TSPEAR: variants seen among roughly 807,000 people sequenced by gnomAD.
TSPEAR encodes the protein thrombospondin type laminin G domain and EAR repeats.
TSPEAR carries 69 observed loss-of-function variants against 71.6 expected under a neutral mutation model. The observed-to-expected ratio is 0.96, with a 90% confidence interval of 0.79 to 1.18. The LOEUF (loss-of-function observed/expected upper bound fraction) is 1.18, where lower values mean the gene tolerates loss of function less well. Ranked by LOEUF, TSPEAR falls within the 50% of genes most tolerant of loss-of-function variation. The pLI, the probability that TSPEAR is intolerant of heterozygous loss-of-function variation, is 0.00. For missense variants in TSPEAR, 971 were observed against 894.9 expected (o/e 1.09, Z -1.09); for synonymous variants, 402 against 387.2 (o/e 1.04, Z -0.45).
At chr21:44,534,372 G>C (rs1454351987) in intron 2 of TSPEAR, among the ~76,000 whole-genome samples, 1 of 93,388 alleles carries the variant, frequency 1.1e-5, no homozygotes, top group Non-Finnish European at 2.2e-5. Context: ...GTGTGGGGCA[G>C]GGCTGGTGTG....
intron 1 of TSPEAR, among the ~76,000 whole-genome samples, chr21:44,707,268 A>G (rs1987970837): frequency 7.0e-6 from 1 of 142,924 alleles, no homozygotes; most frequent in South Asian, 2.3e-4. Context: ...CAAGGTCTCC[A>G]CCAGGAAGAT....
At position 44,593,103 on chromosome 21, in the gene TSPEAR, G is replaced by C. The variant is rs1980109136; in HGVS notation, c.83-25098C>G. On this transcript the variant is annotated intron_variant, in intron 1 of 11. Coordinates refer to ENST00000323084, the MANE Select transcript of TSPEAR (RefSeq NM_144991.3). The surrounding 1 kb of genome is among the most constrained non-coding windows in gnomAD (Gnocchi z 5.9). ...GTCCACCTCGTCTTTGTGTTTTGGA[G>C]GCAGCAGGACCTGTGTGTTCCAGGG... is the stretch of plus-strand genomic sequence containing the variant. 6.6e-6 allele frequency among the ~76,000 whole-genome samples: 1 copy of C among 152,210 alleles called. No individual in the cohort carries two copies. Among genetic ancestry groups the C allele is most frequent in the Non-Finnish European group, 1.5e-5 (1 of 68,032 alleles).
At chr21:44,619,449 C>T (rs1982311431) in intron 1 of TSPEAR, among the ~76,000 whole-genome samples, 1 of 152,188 alleles carries the variant, frequency 6.6e-6, no homozygotes, top group South Asian at 2.1e-4. Context: ...ATGTGCCATG[C>T]AAAGCAGCAA....
intron 9 of TSPEAR, 38 bp downstream of exon 9, chr21:44,521,845 C>T: frequency 6.3e-7 from 1 of 1,586,618 alleles, no homozygotes; most frequent in South Asian, 1.1e-5. Context: ...ACGCAGTGGC[C>T]AGCAATGGAG....
At position 44,612,216 on chromosome 21, in the gene TSPEAR, C is replaced by T; in HGVS notation, c.83-44211G>A. 6.2e-7 allele frequency: 1 copy of T among 1,613,960 alleles called. No homozygotes were observed. The highest frequency in any genetic ancestry group is 8.5e-7 in the Non-Finnish European group (1 of 1,180,018). ...TCCTCCCCCAGCACCTGCACTGGCT[C>T]CTCCTGGCAGGTGGACAATTGCCAG... On this transcript the variant is annotated intron_variant, in intron 1 of 11. Coordinates refer to ENST00000323084, the MANE Select transcript of TSPEAR (RefSeq NM_144991.3). This position sits in a 1 kb window ranked among gnomAD's most constrained non-coding sequence, Gnocchi z 4.1.
intron 1 of TSPEAR, among the ~76,000 whole-genome samples, chr21:44,686,031 C>A (rs1986839788): frequency 6.6e-6 from 1 of 152,134 alleles, no homozygotes; most frequent in Non-Finnish European, 1.5e-5. Context: ...CTTGGGAAGA[C>A]CCTGATGATG....
rs1555915528 is a variant in TSPEAR at position 44,529,930 on chromosome 21, G to A, written c.658C>T (p.Leu220=). 2.6e-5 allele frequency: 42 copies of A among 1,606,620 alleles called. No individual in the cohort carries two copies. Among genetic ancestry groups the A allele is most frequent in the South Asian group, 7.7e-5 (7 of 90,762 alleles). ...FMGLVRQLVL[L]PGSDATPRLC... is the part of the protein sequence containing the mutation. ...CTTGGGGTGGCGTCTGAGCCCGGCA[G>A]CAGGACCAGTTGCCTCACCAGTCCC... The change falls in exon 5 of 12, where the codon CTG becomes TTG. Residue 220 remains leucine, a synonymous_variant. Transcript: ENST00000323084.
At chr21:44,643,964 CA>C (rs1984162715) in intron 1 of TSPEAR, among the ~76,000 whole-genome samples, 2 of 152,206 alleles carry the variant, frequency 1.3e-5, no homozygotes, top group South Asian at 4.1e-4. Flanking sequence ...TCAAATAAAA[CA>C]AAAGACTACG....
rs946540734 is a variant in TSPEAR at position 44,533,766 on chromosome 21, T to C, written c.461A>G (p.Asp154Gly). The change falls in exon 3 of 12, where the codon GAT (aspartate) becomes GGT (glycine). Residue 154 changes from aspartate to glycine, a missense_variant. Asp to Gly is a moderately conservative substitution (Grantham distance 94). Transcript: ENST00000323084. Reference sequence around the variant, plus strand: ...CAGGACCAGTGTGTGCCAGCGGCCATCCACCAGGGCCGGGCTGCGGAAGGA... The same window carrying C: ...CAGGACCAGTGTGTGCCAGCGGCCACCCACCAGGGCCGGGCTGCGGAAGGA... The part of the protein sequence containing the change: ...RVSFRSPALV[D>G]GRWHTLVLAV... 6.2e-7 allele frequency: 1 copy of C among 1,612,252 alleles called. No homozygotes were observed. The highest frequency in any genetic ancestry group is 8.5e-7 in the Non-Finnish European group (1 of 1,179,850).
At chr21:44,677,744 T>C in intron 1 of TSPEAR, 2 of 1,368,058 alleles carry the variant, frequency 1.5e-6, no homozygotes, top group South Asian at 1.2e-5. Flanking sequence ...TTACTTCTGA[T>C]ACACTAGAGA....
At chr21:44,624,295 CT>C (rs1325029123) in intron 1 of TSPEAR, among the ~76,000 whole-genome samples, 2 of 152,100 alleles carry the variant, frequency 1.3e-5, no homozygotes, top group Non-Finnish European at 2.9e-5. Context: ...TCCATTTGTC[CT>C]CTGGTTTTTT....
rs141151758 is a variant in TSPEAR at position 44,702,912 on chromosome 21, C to G, written c.82+8521G>C. The G allele has an allele frequency of 2.6e-3, 1,554 of 603,330 alleles. 5 individuals are homozygous for G. Among genetic ancestry groups the G allele is most frequent in the Middle Eastern group, 4.0e-3 (9 of 2,228 alleles). The allele number at this position is 603,330 out of a possible 1,614,324, so 37.4% of individuals were successfully genotyped here. On this transcript the variant is annotated intron_variant, in intron 1 of 11. Coordinates refer to ENST00000323084, the MANE Select transcript of TSPEAR (RefSeq NM_144991.3). ...CCGCACTGGTACACACCACAGTGTG[C>G]AAGCTGGCTGACCTCATACCCTACA...
intron 1 of TSPEAR, among the ~76,000 whole-genome samples, chr21:44,578,402 C>A (rs1451488213): frequency 6.6e-6 from 1 of 152,196 alleles, no homozygotes; most frequent in Non-Finnish European, 1.5e-5. Context: ...AATTAAAACC[C>A]TTCCCACAGA....
intron 1 of TSPEAR, chr21:44,675,856 T>TC (rs1303896806): frequency 2.4e-5 from 16 of 654,552 alleles, no homozygotes; most frequent in Non-Finnish European, 4.5e-5. Flanking sequence ...TTTACGAAAA[T>TC]CTTCCTAGAC....
Position 44,591,816 on chromosome 21 carries a change from G to A in TSPEAR, c.83-23811C>T, listed in dbSNP as rs201045678. 1.2e-4 allele frequency: 195 copies of A among 1,598,654 alleles called. 1 individual carries two copies. Among genetic ancestry groups the A allele is most frequent in the South Asian group, 1.9e-4 (17 of 89,620 alleles). ...CGGGCACGCAGCAGGCCTGCTGGCAGGGGGAGGAGGTGCAGCAAGTTGGCT... is the reference window on the plus strand; with the variant it reads ...CGGGCACGCAGCAGGCCTGCTGGCAAGGGGAGGAGGTGCAGCAAGTTGGCT... On this transcript the variant is annotated intron_variant, in intron 1 of 11. Transcript: ENST00000323084.
intron 1 of TSPEAR, chr21:44,647,102 G>T (rs782180393): frequency 6.2e-7 from 1 of 1,613,732 alleles, no homozygotes; most frequent in East Asian, 2.2e-5. Context: ...TCCTCTTCAC[G>T]CTGCCAGCAG....
intron 11 of TSPEAR, among the ~76,000 whole-genome samples, chr21:44,504,268 G>GA (rs1295054726): frequency 7.7e-6 from 1 of 130,334 alleles, no homozygotes; most frequent in African/African-American, 3.4e-5. Context: ...TGAGCCCTCA[G>GA]GGGGAAGCAG....
intron 1 of TSPEAR, among the ~76,000 whole-genome samples, chr21:44,653,637 T>C (rs1555941906): frequency 6.6e-6 from 1 of 152,228 alleles, no homozygotes; most frequent in Admixed American, 6.5e-5. Context: ...GGGTTGCACA[T>C]ACCAGCTAAT....
intron 1 of TSPEAR, chr21:44,702,756 C>T: frequency 7.2e-7 from 1 of 1,379,840 alleles, no homozygotes; most frequent in Non-Finnish European, 1.0e-6. Flanking sequence ...TGTGCTCCCA[C>T]CTGGCCTGCT....
Sources: allele counts gnomAD v4.1 joint callset (sites outside exome capture counted in the v4.1 genomes callset), GRCh38; gene constraint gnomAD v4.1.1; non-coding constraint Gnocchi (gnomAD v3.1); transcripts MANE v1.5; gene names NCBI Gene and HGNC (gene_info 2026-07-23, HGNC 2026-07-21).